Variants in ADAMTSL1 observed in about 807,000 individuals in gnomAD.
The protein encoded by ADAMTSL1 is ADAMTS-like protein 1.
In ADAMTSL1, 126 loss-of-function variants were observed where a neutral mutation model predicts 201.8. The observed-to-expected ratio is 0.62, with a 90% confidence interval of 0.54 to 0.72. ADAMTSL1 has a LOEUF of 0.72. Ranked by LOEUF, ADAMTSL1 falls within the 30% of genes least tolerant of loss-of-function variation. The pLI, the probability that ADAMTSL1 is intolerant of heterozygous loss-of-function variation, is 0.00. For missense variants in ADAMTSL1, 2,679 were observed against 2,277.8 expected, an observed-to-expected ratio of 1.18 and a Z score of -3.59; for synonymous variants, 1,121 against 903.4, an observed-to-expected ratio of 1.24 and a Z score of -4.32.
At chr9:18,703,442 C>T (rs1355760452) in intron 13 of ADAMTSL1, among the ~76,000 whole-genome samples, 1 of 151,906 alleles carries the variant, frequency 6.6e-6, no homozygotes, top group Non-Finnish European at 1.5e-5. Context: ...ACAAAAGAGA[C>T]TATATTATAT....
chr9:18,003,485 C>G (rs1389733289), intron 1 of ADAMTSL1, among the ~76,000 whole-genome samples: 2 of 152,090 alleles, frequency 1.3e-5, no homozygotes, highest in Non-Finnish European at 2.9e-5. Context: ...ACCTACATGC[C>G]TGTCTGCATT....
At chr9:18,257,480 T>C (rs540798883) in intron 2 of ADAMTSL1, among the ~76,000 whole-genome samples, 1 of 152,274 alleles carries the variant, frequency 6.6e-6, no homozygotes, top group South Asian at 2.1e-4. Flanking sequence ...CACTTCACAC[T>C]ACAATAGTTA....
At chr9:18,284,323 C>G (rs1030977102) in intron 2 of ADAMTSL1, among the ~76,000 whole-genome samples, 2 of 152,110 alleles carry the variant, frequency 1.3e-5, no homozygotes, top group African/African-American at 4.8e-5. Flanking sequence ...TTCCCCCTTT[C>G]TATTCCAGAC....
At chr9:18,397,359 AT>A (rs1328242812) in intron 2 of ADAMTSL1, among the ~76,000 whole-genome samples, 1 of 152,084 alleles carries the variant, frequency 6.6e-6, no homozygotes, top group Non-Finnish European at 1.5e-5. Context: ...AAAGTACTGT[AT>A]TTCTTGAGTC....
Position 18,887,933 on chromosome 9 carries a change from G to T in ADAMTSL1, c.4352G>T (p.Gly1451Val). The T allele has an allele frequency of 1.2e-6, 2 of 1,613,982 alleles. No individual in the cohort carries two copies. Among genetic ancestry groups the T allele is most frequent in the African/African-American group, 2.7e-5 (2 of 75,026 alleles). Reference sequence around the variant, plus strand: ...CTGACGCATCACATCTTGGCAGCTGGACAGATCCTTCAAGTTGCAAACCTT... The same window carrying T: ...CTGACGCATCACATCTTGGCAGCTGTACAGATCCTTCAAGTTGCAAACCTT... The part of the protein sequence containing the change: ...TGLTHHILAA[G>V]QILQVANLSG... Residue 1451 changes from glycine (G) to valine (V), a missense_variant, in exon 24 of 29, where the codon GGA becomes GTA. Gly to Val is a moderately radical substitution (Grantham distance 109). Transcript: ENST00000380548.
chr9:18,748,513 G>T (rs1397403415), intron 15 of ADAMTSL1, among the ~76,000 whole-genome samples: 1 of 152,320 alleles, frequency 6.6e-6, no homozygotes, highest in Non-Finnish European at 1.5e-5. Flanking sequence ...CCTGTCAAAA[G>T]CATGTCAATT....
At chr9:18,562,929 A>G (rs1170755321) in intron 3 of ADAMTSL1, among the ~76,000 whole-genome samples, 1 of 152,236 alleles carries the variant, frequency 6.6e-6, no homozygotes, top group Non-Finnish European at 1.5e-5. Flanking sequence ...ACATTTTTCA[A>G]GGTTCTTAGC....
At chr9:18,604,170 T>A (rs1363285271) in intron 4 of ADAMTSL1, among the ~76,000 whole-genome samples, 3 of 152,152 alleles carry the variant, frequency 2.0e-5, no homozygotes, top group Non-Finnish European at 4.4e-5. Flanking sequence ...AAGAATTTGC[T>A]TACAAAAGGT....
chr9:18,901,173 A>G (rs1342112941), intron 26 of ADAMTSL1, among the ~76,000 whole-genome samples: 9 of 152,122 alleles, frequency 5.9e-5, no homozygotes, highest in Non-Finnish European at 1.3e-4. Flanking sequence ...AAAATTATAA[A>G]GTACAGAAAG....
At chr9:18,084,465 T>C (rs1036860654) in intron 1 of ADAMTSL1, among the ~76,000 whole-genome samples, 5 of 150,760 alleles carry the variant, frequency 3.3e-5, no homozygotes, top group African/African-American at 1.2e-4. Flanking sequence ...GAGGTTGCAG[T>C]GAGCCGAGAT....
intron 2 of ADAMTSL1, among the ~76,000 whole-genome samples, chr9:18,372,673 A>G (rs1254642599): frequency 6.6e-6 from 1 of 152,188 alleles, no homozygotes. Context: ...GCTAAGCTCT[A>G]TCATCAGGGT....
chr9:18,337,231 C>G (rs1354947280), intron 2 of ADAMTSL1, among the ~76,000 whole-genome samples: 1 of 152,078 alleles, frequency 6.6e-6, no homozygotes, highest in Non-Finnish European at 1.5e-5. Context: ...TCATCCTTCC[C>G]CCATCGGTGT....
chr9:18,281,507 A>G (rs976461163), intron 2 of ADAMTSL1, among the ~76,000 whole-genome samples: 119 of 152,294 alleles, frequency 7.8e-4, no homozygotes, highest in African/African-American at 2.4e-3. Context: ...TTTTGTAACA[A>G]GTTGTTTGGC....
intron 1 of ADAMTSL1, among the ~76,000 whole-genome samples, chr9:18,162,284 C>T (rs576873438): frequency 3.4e-4 from 51 of 152,120 alleles, no homozygotes; most frequent in African/African-American, 1.1e-3. Flanking sequence ...TCTGTCACAT[C>T]GCTGACTTCC....
intron 7 of ADAMTSL1, among the ~76,000 whole-genome samples, chr9:18,655,701 T>G (rs1381323184): frequency 6.6e-6 from 1 of 151,334 alleles, no homozygotes; most frequent in Non-Finnish European, 1.5e-5. Flanking sequence ...AATGCTCTGG[T>G]CTTTTATTTT....
At chr9:18,181,012 C>G (rs1276711890) in intron 2 of ADAMTSL1, among the ~76,000 whole-genome samples, 7 of 152,036 alleles carry the variant, frequency 4.6e-5, no homozygotes, top group Non-Finnish European at 8.8e-5. Flanking sequence ...CTTTGACAAA[C>G]CTGACAAAAA....
intron 2 of ADAMTSL1, among the ~76,000 whole-genome samples, chr9:18,513,181 C>G (rs1818137141): frequency 6.6e-6 from 1 of 152,164 alleles, no homozygotes; most frequent in Non-Finnish European, 1.5e-5. Context: ...GATCCACCAT[C>G]TCAACCAAAT....
intron 2 of ADAMTSL1, among the ~76,000 whole-genome samples, chr9:18,329,535 A>G (rs867831178): frequency 6.6e-6 from 1 of 152,316 alleles, no homozygotes; most frequent in Middle Eastern, 3.4e-3. Context: ...AGTAAATGTC[A>G]CTGGAGGATT....
intron 2 of ADAMTSL1, among the ~76,000 whole-genome samples, chr9:18,507,609 C>T (rs1207186238): frequency 6.6e-6 from 1 of 152,172 alleles, no homozygotes; most frequent in Non-Finnish European, 1.5e-5. Flanking sequence ...AAGCACAACA[C>T]AACATGCTAT....
Sources: gnomAD v4.1 joint callset for allele counts (sites outside exome capture counted in the v4.1 genomes callset) on GRCh38, gnomAD v4.1.1 for gene constraint, MANE v1.5 for transcripts, NCBI Gene and HGNC (gene_info 2026-07-23, HGNC 2026-07-21) for gene names.